The following TRIM26 variants were observed in gnomAD, a reference collection of about 807,000 sequenced individuals.
The protein encoded by TRIM26 is tripartite motif-containing protein 26.
Under a neutral mutation model 45.5 loss-of-function variants are expected in TRIM26, and 16 were observed. That is an observed-to-expected ratio of 0.35 (90% CI 0.24 to 0.53). TRIM26 has a LOEUF of 0.53. Among genes scored for constraint, TRIM26 ranks in the 20% least tolerant of loss-of-function variants. TRIM26 has a pLI of 0.92. For missense variants in TRIM26, 442 were observed against 691.1 expected, an observed-to-expected ratio of 0.64 and a Z score of 4.04; for synonymous variants, 273 against 290.4, an observed-to-expected ratio of 0.94 and a Z score of 0.61.
chr6:30,193,557 G>GT (rs796961160), intron 6 of TRIM26, among the ~76,000 whole-genome samples: 26 of 152,048 alleles, frequency 1.7e-4, no homozygotes, highest in African/African-American at 6.3e-4. Flanking sequence ...GCCATTTGGG[G>GT]TTTTTTGTGA....
chr6:30,185,773 G>C lies in TRIM26; in HGVS notation c.*103C>G, dbSNP rs984354054. ...GCTACCAGTGGATATGGGGTCCCCT[G>C]CTCCAGGTGCTTAGGCCAGGCATCC... On this transcript the variant is annotated 3_prime_UTR_variant, in exon 10 of 10. Transcript: ENST00000454678. This position sits in a 1 kb window ranked among gnomAD's most constrained non-coding sequence, Gnocchi z 5.7. The C allele has an allele frequency of 7.4e-7, 1 of 1,353,572 alleles. No homozygotes were observed. The highest frequency in any genetic ancestry group is 1.0e-6 in the Non-Finnish European group (1 of 997,710). 83.8% of individuals were successfully genotyped at this position (1,353,572 alleles called of 1,614,324 possible).
chr6:30,188,741 G>C, intron 9 of TRIM26: 1 of 185,878 alleles, frequency 5.4e-6, no homozygotes. Context: ...CTTGGTGGTT[G>C]GTATGCAGTG....
chr6:30,198,749 G>T lies in TRIM26; in HGVS notation c.355C>A (p.Leu119Met). ...GACTCCCGGCACATCACGCACAGCA[G>T]CTTCCCGTCGTCCTCACAGTAGTAG... ...LHYYCEDDGK[L>M]LCVMCRESRE... Residue 119 changes from leucine to methionine, a missense_variant, in exon 4 of 10, where the codon CTG becomes ATG. Leu to Met is a conservative substitution (Grantham distance 15). Coordinates refer to ENST00000454678, the MANE Select transcript of TRIM26 (RefSeq NM_003449.5). This position sits in a 1 kb window ranked among gnomAD's most constrained non-coding sequence, Gnocchi z 6.3. 6.2e-7 allele frequency: 1 copy of T among 1,604,238 alleles called. No individual in the cohort carries two copies.
At chr6:30,211,020 C>T (rs1778235750) in intron 1 of TRIM26, among the ~76,000 whole-genome samples, 1 of 152,158 alleles carries the variant, frequency 6.6e-6, no homozygotes, top group African/African-American at 2.4e-5. Context: ...GAATGTGAAC[C>T]CAAAGGTCAT....
chr6:30,186,586 A>AAC lies in TRIM26; in HGVS notation c.938-29_938-28insGT. On this transcript the variant is annotated intron_variant, in intron 9 of 9. Coordinates refer to ENST00000454678, the MANE Select transcript of TRIM26 (RefSeq NM_003449.5). This position sits in a 1 kb window ranked among gnomAD's most constrained non-coding sequence, Gnocchi z 7.4. ...GTGGGGACAAGGGAAAAAAAAAAAA[A>AAC]CAGCATCACTGTTTTGTTTTGTTTT... 1.3e-6 allele frequency: 2 copies of AAC among 1,493,114 alleles called. No homozygotes were observed. The highest frequency in any genetic ancestry group is 2.5e-5 in the Admixed American group (1 of 40,192). The allele number at this position is 1,493,114 out of a possible 1,614,324, so 92.5% of individuals were successfully genotyped here.
chr6:30,188,499 C>A, intron 9 of TRIM26: 1 of 269,262 alleles, frequency 3.7e-6, no homozygotes, highest in Non-Finnish European at 7.5e-6. Context: ...ACAGCTCAGA[C>A]ATTAATAAAG....
chr6:30,190,191 T>A lies in TRIM26; in HGVS notation c.766-156A>T, dbSNP rs1342972083. 4 of 762,480 alleles carry A rather than the reference T, an allele frequency of 5.2e-6. No homozygotes were observed. In the African/African-American group the frequency reaches 7.0e-5, roughly 13 times the overall value. 47.2% of individuals were successfully genotyped at this position (762,480 alleles called of 1,614,324 possible). On this transcript the variant is annotated intron_variant, in intron 6 of 9. Transcript: ENST00000454678. The surrounding 1 kb of genome is among the most constrained non-coding windows in gnomAD (Gnocchi z 4.3). ...CTGACATTCCAGTGGGGTCACTGCATAAAACAACAAGAAAACAAACAAAAT... is the reference window on the plus strand; with the variant it reads ...CTGACATTCCAGTGGGGTCACTGCAAAAAACAACAAGAAAACAAACAAAAT...
intron 9 of TRIM26, chr6:30,188,568 C>A: frequency 4.2e-6 from 1 of 238,904 alleles, no homozygotes; most frequent in South Asian, 7.9e-5. Flanking sequence ...GGGATTTTAT[C>A]CTGTGAACTA....
intron 6 of TRIM26, among the ~76,000 whole-genome samples, chr6:30,193,214 C>T (rs1776127408): frequency 8.3e-6 from 1 of 120,808 alleles, no homozygotes. Context: ...TGGAGTCTCA[C>T]TCTATTGCCC....
Position 30,207,678 on chromosome 6 carries a change from C to A in TRIM26, c.-375-2913G>T, listed in dbSNP as rs1777858307. On this transcript the variant is annotated intron_variant, in intron 1 of 9. Transcript: ENST00000454678. This position sits in a 1 kb window ranked among gnomAD's most constrained non-coding sequence, Gnocchi z 4.9. ...GATCCTAGCTGGATTCCCAGATAAT[C>A]ATGGCCCAGCCTGTGTCTCCAGGCT... Among the ~76,000 whole-genome samples the A allele has an allele frequency of 6.6e-6, 1 of 152,164 alleles. No homozygotes were observed.
At position 30,207,075 on chromosome 6, in the gene TRIM26, G is replaced by A. The variant is rs1408775658; in HGVS notation, c.-375-2310C>T. On this transcript the variant is annotated intron_variant, in intron 1 of 9. Coordinates refer to ENST00000454678, the MANE Select transcript of TRIM26 (RefSeq NM_003449.5). The surrounding 1 kb of genome is among the most constrained non-coding windows in gnomAD (Gnocchi z 4.9). ...CAGGCAGAGGAAATCATCCGCCGGA[G>A]AAAGGGTAGCGGTGAATTTGAGGAG... Among the ~76,000 whole-genome samples, 1 of 152,230 alleles carries A rather than the reference G, an allele frequency of 6.6e-6. No homozygotes were observed. Among genetic ancestry groups the A allele is most frequent in the Non-Finnish European group, 1.5e-5 (1 of 68,040 alleles).
At chr6:30,206,865 C>A (rs145647592) in intron 1 of TRIM26, among the ~76,000 whole-genome samples, 1 of 152,232 alleles carries the variant, frequency 6.6e-6, no homozygotes, top group Non-Finnish European at 1.5e-5. Flanking sequence ...ACAGTGAGTG[C>A]CAGAGCCTCG....
In TRIM26 at chr6:30,186,275, A is replaced by T. The variant is rs150814065; in HGVS notation, c.1221T>A (p.Tyr407Ter). 1 of 1,607,626 alleles carries T rather than the reference A, an allele frequency of 6.2e-7. No individual in the cohort carries two copies. Among genetic ancestry groups the T allele is most frequent in the African/African-American group, 1.3e-5 (1 of 74,456 alleles). Residue 407 changes from tyrosine (Y) to a stop codon, truncating the protein, a stop_gained, in exon 10 of 10, where the codon TAT becomes TAA. Coordinates refer to ENST00000454678, the MANE Select transcript of TRIM26 (RefSeq NM_003449.5). LOFTEE classifies it low-confidence loss of function (END_TRUNC). The surrounding 1 kb of genome is among the most constrained non-coding windows in gnomAD (Gnocchi z 7.4). The stretch of plus-strand genomic sequence containing the variant: ...CATCTTCGTCCGTTTCCCAGTCGTC[A>T]TATCCATCCCCATAGCCGGCCTCCT... ...EEEEAGYGDGYDDWETDEDEE... is the reference protein window; with the variant it reads ...EEEEAGYGDG
chr6:30,197,401 C>T (rs1215876820), intron 5 of TRIM26, among the ~76,000 whole-genome samples: 1 of 152,152 alleles, frequency 6.6e-6, no homozygotes, highest in African/African-American at 2.4e-5. Flanking sequence ...TTGGCTGTCT[C>T]TAGCTTACTG....
At chr6:30,191,988 T>C (rs1265552563) in intron 6 of TRIM26, among the ~76,000 whole-genome samples, 2 of 152,164 alleles carry the variant, frequency 1.3e-5, no homozygotes, top group Non-Finnish European at 2.9e-5. Flanking sequence ...GAGAGAATCA[T>C]ACAGGAGAAA....
chr6:30,196,770 A>T lies in TRIM26; in HGVS notation c.535-24T>A, dbSNP rs1313098435. On this transcript the variant is annotated intron_variant, in intron 5 of 9. Coordinates refer to ENST00000454678, the MANE Select transcript of TRIM26 (RefSeq NM_003449.5). The surrounding 1 kb of genome is among the most constrained non-coding windows in gnomAD (Gnocchi z 4.9). Reference sequence around the variant, plus strand: ...TTCTGCAGGGGGCAGGAAGGGGAGAAGGGCTGACACCTCTGCTCAGGGTGG... The same window carrying T: ...TTCTGCAGGGGGCAGGAAGGGGAGATGGGCTGACACCTCTGCTCAGGGTGG... The T allele has an allele frequency of 1.2e-6, 2 of 1,612,360 alleles. No individual in the cohort carries two copies. Among genetic ancestry groups the T allele is most frequent in the Non-Finnish European group, 8.5e-7 (1 of 1,178,826 alleles).
rs1380982187 is a variant in TRIM26, at chr6:30,189,389, C to T, written c.904+29G>A. On this transcript the variant is annotated intron_variant, in intron 8 of 9. Transcript: ENST00000454678. The surrounding 1 kb of genome is among the most constrained non-coding windows in gnomAD (Gnocchi z 5.0). ...CTACGAGGTAGCCCTGCTCTGACTC[C>T]CACCCTTTGTGCGCTCCCCAACCCT... is the stretch of plus-strand genomic sequence containing the variant. The T allele has an allele frequency of 6.2e-7, 1 of 1,609,036 alleles. No homozygotes were observed. Among genetic ancestry groups the T allele is most frequent in the Admixed American group, 1.7e-5 (1 of 60,018 alleles).
chr6:30,189,443 C>A lies in TRIM26; in HGVS notation c.879G>T (p.Leu293=), dbSNP rs1398195058. The change falls in exon 8 of 10, where the codon CTG becomes CTT. Residue 293 remains leucine (L), a synonymous_variant. Coordinates refer to ENST00000454678, the MANE Select transcript of TRIM26 (RefSeq NM_003449.5). The surrounding 1 kb of genome is among the most constrained non-coding windows in gnomAD (Gnocchi z 5.0). ...TGEFSDKLLS[L]QRGLREFQGK... is the part of the protein sequence containing the mutation. ...CCTGGAATTCCCTCAGGCCTCGTTG[C>A]AGAGAGAGGAGTTTATCTGAGAATT... The A allele has an allele frequency of 1.2e-6, 2 of 1,612,870 alleles. No homozygotes were observed. The highest frequency in any genetic ancestry group is 1.7e-5 in the Admixed American group (1 of 59,984).
intron 6 of TRIM26, among the ~76,000 whole-genome samples, chr6:30,193,062 GTATATATATATATATGTATA>G (rs1776015989): frequency 7.9e-6 from 1 of 126,054 alleles, no homozygotes; most frequent in Non-Finnish European, 1.6e-5. Context: ...CAGCTTTGTA[GTATATATATATATATGTATA>G]TATACATATA....
Sources: allele counts gnomAD v4.1 joint callset (sites outside exome capture counted in the v4.1 genomes callset), GRCh38; gene constraint gnomAD v4.1.1; non-coding constraint Gnocchi (gnomAD v3.1); transcripts MANE v1.5; gene names NCBI Gene and HGNC (gene_info 2026-07-23, HGNC 2026-07-21).